Variants in ERICH6B observed in about 807,000 individuals in gnomAD.
ERICH6B encodes glutamate rich 6B.
ERICH6B carries 69 observed loss-of-function variants against 80.0 expected under a neutral mutation model. The ratio of observed to expected loss-of-function variants is 0.86; its 90% CI spans 0.71 to 1.05. The LOEUF (loss-of-function observed/expected upper bound fraction) is 1.05, where lower values mean the gene tolerates loss of function less well. Among genes scored for constraint, ERICH6B ranks in the 50% least tolerant of loss-of-function variants. The pLI is 0.00. For missense variants in ERICH6B, 754 were observed against 796.1 expected (o/e 0.95, Z 0.64); for synonymous variants, 283 against 291.9 (o/e 0.97, Z 0.31).
chr13:45,598,883 G>T (rs1164724074), intron 2 of ERICH6B, among the ~76,000 whole-genome samples: 1 of 152,174 alleles, frequency 6.6e-6, no homozygotes, highest in South Asian at 2.1e-4. Context: ...GACCAGGCAA[G>T]GTGGAGATAG....
intron 13 of ERICH6B, among the ~76,000 whole-genome samples, chr13:45,549,284 A>T (rs75898882): frequency 6.7e-6 from 1 of 148,590 alleles, no homozygotes; most frequent in Admixed American, 6.7e-5. Context: ...CTCCGTCACA[A>T]AAAAAAAAAA....
chr13:45,577,126 C>T (rs1377698559), intron 7 of ERICH6B, among the ~76,000 whole-genome samples: 1 of 151,972 alleles, frequency 6.6e-6, no homozygotes, highest in Non-Finnish European at 1.5e-5. Context: ...GTTGCATGTC[C>T]CCCTTGCACC....
intron 2 of ERICH6B, among the ~76,000 whole-genome samples, chr13:45,606,548 T>G (rs7331812): frequency 7.7e-3 from 72 of 9,292 alleles, no homozygotes; most frequent in African/African-American, 0.021. Flanking sequence ...TATATATATA[T>G]TTTTTTTTTT....
At chr13:45,598,347 G>A (rs1566304679) in intron 2 of ERICH6B, among the ~76,000 whole-genome samples, 1 of 152,116 alleles carries the variant, frequency 6.6e-6, no homozygotes, top group Non-Finnish European at 1.5e-5. Flanking sequence ...CTGAATGAAG[G>A]GCCAAGAAGA....
chr13:45,582,643 C>T (rs7335544), intron 5 of ERICH6B, among the ~76,000 whole-genome samples: 12,410 of 152,220 alleles, frequency 0.082, 1,285 homozygotes, highest in African/African-American at 0.24. Flanking sequence ...CTGGACAGAG[C>T]TCCACGGCTC....
chr13:45,613,352 G>A (rs1334087964), intron 1 of ERICH6B, among the ~76,000 whole-genome samples: 1 of 152,158 alleles, frequency 6.6e-6, no homozygotes, highest in African/African-American at 2.4e-5. Context: ...AGGGCTGCAA[G>A]CTCCAGCTTT....
intron 3 of ERICH6B, among the ~76,000 whole-genome samples, chr13:45,593,865 C>T (rs1478039744): frequency 6.6e-6 from 1 of 152,190 alleles, no homozygotes; most frequent in South Asian, 2.1e-4. Context: ...GTAGTTAATG[C>T]ATCAGCATGA....
chr13:45,566,094 C>T (rs970625475), intron 9 of ERICH6B, among the ~76,000 whole-genome samples: 5 of 152,076 alleles, frequency 3.3e-5, no homozygotes, highest in African/African-American at 1.2e-4. Context: ...GCATTTTTGC[C>T]CCTGCCCTAG....
At chr13:45,599,321 G>C (rs988937623) in intron 2 of ERICH6B, among the ~76,000 whole-genome samples, 2 of 152,176 alleles carry the variant, frequency 1.3e-5, no homozygotes, top group African/African-American at 4.8e-5. Flanking sequence ...TAAAGGGGGA[G>C]CCTGTGCGTG....
At chr13:45,615,234 G>A (rs1424658538) in intron 1 of ERICH6B, among the ~76,000 whole-genome samples, 3 of 152,148 alleles carry the variant, frequency 2.0e-5, no homozygotes, top group African/African-American at 7.2e-5. Context: ...ACTTGCCTTT[G>A]GGCCACAGGA....
rs1206425206 is a variant in ERICH6B, at chr13:45,574,919, C to T, written c.973G>A (p.Ala325Thr). 1 of 1,551,346 alleles carries T rather than the reference C, an allele frequency of 6.4e-7. No individual in the cohort carries two copies. Among genetic ancestry groups the T allele is most frequent in the South Asian group, 1.2e-5 (1 of 84,026 alleles). ...CCATCCCAAAAGTTCTCTTTAGAAG[C>T]AAACTCCAGGACTTTCGATTTTGGA... is the stretch of plus-strand genomic sequence containing the variant. The part of the protein sequence containing the change: ...QKKEENVLEF[A>T]SKENFWDGIT... The change falls in exon 8 of 15, where the codon GCT becomes ACT. Residue 325 changes from alanine (A) to threonine (T), a missense_variant. Coordinates refer to ENST00000298738, the MANE Select transcript of ERICH6B (RefSeq NM_182542.3).
At chr13:45,604,940 C>T (rs897165351) in intron 2 of ERICH6B, among the ~76,000 whole-genome samples, 1 of 152,082 alleles carries the variant, frequency 6.6e-6, no homozygotes, top group Non-Finnish European at 1.5e-5. Flanking sequence ...AAACCAAATC[C>T]AAGAAGGTTT....
chr13:45,596,301 CATCCAACCTTCTTT>C (rs1343543600), intron 3 of ERICH6B, 54 bp downstream of exon 3: 7 of 1,472,858 alleles, frequency 4.8e-6, no homozygotes, highest in Non-Finnish European at 6.3e-6. Context: ...TACTCTTCTT[CATCCAACCTTCTTT>C]CCCTTTCAGA....
At chr13:45,555,184 G>A (rs1168352679) in intron 11 of ERICH6B, among the ~76,000 whole-genome samples, 1 of 152,186 alleles carries the variant, frequency 6.6e-6, no homozygotes, top group Non-Finnish European at 1.5e-5. Flanking sequence ...CCTAATCGGA[G>A]CAATAAGCCA....
intron 5 of ERICH6B, among the ~76,000 whole-genome samples, chr13:45,586,113 C>A (rs1395101767): frequency 2.6e-5 from 4 of 151,994 alleles, no homozygotes; most frequent in African/African-American, 4.8e-5. Flanking sequence ...GTTCTTGGGG[C>A]TCCGTGGGAG....
intron 5 of ERICH6B, among the ~76,000 whole-genome samples, chr13:45,582,513 C>T (rs528286281): frequency 9.2e-5 from 14 of 152,300 alleles, no homozygotes; most frequent in Admixed American, 2.6e-4. Flanking sequence ...GATGTTTCTG[C>T]CTGCCAAAAT....
intron 11 of ERICH6B, among the ~76,000 whole-genome samples, chr13:45,556,705 C>A (rs571325483): frequency 6.6e-6 from 1 of 152,214 alleles, no homozygotes; most frequent in East Asian, 1.9e-4. Flanking sequence ...CCAATCCCAA[C>A]CAGGTTGCTG....
rs34244794 is a variant in ERICH6B at position 45,577,276 on chromosome 13, C to CTTTTTTTTTTTTTTTTTTTTTTTTTT, written c.962-2372_962-2347dup. Among the ~76,000 whole-genome samples the CTTTTTTTTTTTTTTTTTTTTTTTTTT allele has an allele frequency of 2.4e-4, 21 of 86,084 alleles. 4 individuals carry two copies. Among genetic ancestry groups the CTTTTTTTTTTTTTTTTTTTTTTTTTT allele is most frequent in the African/African-American group, 5.0e-4 (14 of 28,190 alleles). The allele number at this position is 86,084 out of a possible 152,430, so 56.5% of individuals were successfully genotyped here. The stretch of plus-strand genomic sequence containing the variant: ...TCTCCTGGACTGATTAAAAACAAAT[C>CTTTTTTTTTTTTTTTTTTTTTTTTTT]TTTTTTTTTTTTTTTTTTTTTTTTT... On this transcript the variant is annotated intron_variant, in intron 7 of 14. Coordinates refer to ENST00000298738, the MANE Select transcript of ERICH6B (RefSeq NM_182542.3).
intron 4 of ERICH6B, among the ~76,000 whole-genome samples, chr13:45,590,404 G>T (rs927187699): frequency 2.0e-5 from 3 of 151,966 alleles, no homozygotes; most frequent in Non-Finnish European, 4.4e-5. Flanking sequence ...AAACTCAGAC[G>T]ACCTCTGCCC....
Sources: gnomAD v4.1 joint callset for allele counts (sites outside exome capture counted in the v4.1 genomes callset) on GRCh38, gnomAD v4.1.1 for gene constraint, MANE v1.5 for transcripts, NCBI Gene and HGNC (gene_info 2026-07-23, HGNC 2026-07-21) for gene names.